Variants in RBM25 observed in about 807,000 individuals in gnomAD.
RBM25 encodes RNA binding motif protein 25.
RBM25 carries 19 observed loss-of-function variants against 120.7 expected under a neutral mutation model. The ratio of observed to expected loss-of-function variants is 0.16; its 90% CI spans 0.11 to 0.23. The LOEUF (loss-of-function observed/expected upper bound fraction) is 0.23, where lower values mean the gene tolerates loss of function less well. Among genes scored for constraint, RBM25 ranks in the 10% least tolerant of loss-of-function variants. RBM25 has a pLI of 1.00. For synonymous variants in RBM25, 390 were observed against 326.7 expected, an observed-to-expected ratio of 1.19 and a Z score of -2.09; for missense variants, 605 against 1,041.5, an observed-to-expected ratio of 0.58 and a Z score of 5.77.
At chr14:73,101,299 G>C (rs2998007) in intron 9 of RBM25, 2 of 152,364 alleles carry the variant, frequency 1.3e-5, no homozygotes, top group Admixed American at 1.3e-4. Flanking sequence ...AATAACCACA[G>C]ACTGTCAGGG....
Position 73,083,479 on chromosome 14 carries a change from TG to T in RBM25, c.325-14del. 6.4e-7 allele frequency: 1 copy of T among 1,562,668 alleles called. No homozygotes were observed. On this transcript the variant is annotated splice_polypyrimidine_tract_variant and intron_variant, in intron 4 of 18. Coordinates refer to ENST00000261973, the MANE Select transcript of RBM25 (RefSeq NM_021239.3). The stretch of plus-strand genomic sequence containing the variant: ...TTAAATGGTAGCAATCTGTTTGTTT[TG>T]TTTTCTTTTTAAGAAATGTGGTTTG...
chr14:73,103,434 T>G lies in RBM25; in HGVS notation c.1110T>G (p.Asp370Glu), dbSNP rs575749853. ...DRDRERDRDR[D>E]RERSSDRNKD... is the part of the protein sequence containing the mutation. ...ATCGAGAGAGAGATCGTGACCGGGATAGAGAAAGGAGCTCAGATCGTAATA... is the reference window on the plus strand; with the variant it reads ...ATCGAGAGAGAGATCGTGACCGGGAGAGAGAAAGGAGCTCAGATCGTAATA... The change falls in exon 10 of 19, where the codon GAT (aspartate) becomes GAG (glutamate). Residue 370 changes from aspartate (D) to glutamate (E), a missense_variant. Physicochemically the swap from Asp to Glu is conservative, Grantham distance 45. This residue lies in a region of RBM25 where 465 missense variants were observed against 741.6 expected (regional missense o/e 0.63). Coordinates refer to ENST00000261973, the MANE Select transcript of RBM25 (RefSeq NM_021239.3). 6.2e-7 allele frequency: 1 copy of G among 1,611,406 alleles called. No individual in the cohort carries two copies. The highest frequency in any genetic ancestry group is 1.1e-5 in the South Asian group (1 of 90,638).
At chr14:73,064,519 C>T (rs1281076085) in intron 1 of RBM25, among the ~76,000 whole-genome samples, 6 of 150,408 alleles carry the variant, frequency 4.0e-5, no homozygotes, top group South Asian at 2.1e-4. Context: ...CTCAGTCTCC[C>T]GAGTAGCTGG....
At position 73,096,652 on chromosome 14, in the gene RBM25, C is replaced by T. The variant is rs576866084; in HGVS notation, c.544-263C>T. On this transcript the variant is annotated intron_variant, in intron 6 of 18. Coordinates refer to ENST00000261973, the MANE Select transcript of RBM25 (RefSeq NM_021239.3). The stretch of plus-strand genomic sequence containing the variant: ...ACTTGTGAATGGTTTGCAGATGTGT[C>T]GTATAGTGTGCTAGTCCTGAAATTT... Among the ~76,000 whole-genome samples, 47 of 152,000 alleles carry T rather than the reference C, an allele frequency of 3.1e-4. No individual in the cohort carries two copies. In the South Asian group the frequency reaches 7.7e-3, roughly 25 times the overall value.
intron 4 of RBM25, among the ~76,000 whole-genome samples, chr14:73,082,666 A>G (rs1224687129): frequency 1.3e-5 from 2 of 152,030 alleles, no homozygotes; most frequent in Non-Finnish European, 2.9e-5. Flanking sequence ...ATTTCTCTTT[A>G]TTTTTACAGA....
At chr14:73,109,879 T>G (rs1430787160) in intron 14 of RBM25, among the ~76,000 whole-genome samples, 2 of 152,008 alleles carry the variant, frequency 1.3e-5, no homozygotes, top group African/African-American at 4.8e-5. Context: ...TTTTGTATTT[T>G]TATTTTTATT....
chr14:73,090,129 C>T (rs1895778383), intron 6 of RBM25, among the ~76,000 whole-genome samples: 1 of 151,972 alleles, frequency 6.6e-6, no homozygotes, highest in Non-Finnish European at 1.5e-5. Flanking sequence ...TGGCTCACTG[C>T]AACCTCCACC....
intron 2 of RBM25, among the ~76,000 whole-genome samples, chr14:73,074,583 G>C (rs767350942): frequency 3.3e-5 from 5 of 152,088 alleles, no homozygotes; most frequent in Non-Finnish European, 7.4e-5. Flanking sequence ...GTGGGGAGGT[G>C]GGGGGTGGCA....
At chr14:73,100,828 A>G (rs1415860251) in intron 9 of RBM25, 1 of 152,314 alleles carries the variant, frequency 6.6e-6, no homozygotes, top group African/African-American at 2.4e-5. Context: ...GAGCACAAAC[A>G]TAATTCTCCC....
At chr14:73,078,235 G>A (rs1895470743) in intron 4 of RBM25, among the ~76,000 whole-genome samples, 1 of 152,140 alleles carries the variant, frequency 6.6e-6, no homozygotes, top group African/African-American at 2.4e-5. Flanking sequence ...CCCGTGAGAT[G>A]GAGGCTGCAG....
In RBM25 at chr14:73,058,620, A is replaced by G. The variant is rs1894918691; in HGVS notation, c.-101A>G. The G allele has an allele frequency of 6.6e-6, 1 of 152,178 alleles. No homozygotes were observed. The highest frequency in any genetic ancestry group is 1.5e-5 in the Non-Finnish European group (1 of 68,050). The allele number at this position is 152,178 out of a possible 1,614,324, so 9.4% of individuals were successfully genotyped here. A position where few individuals can be genotyped will look rare whatever the true frequency, so the allele number is the denominator to read the frequency against. On this transcript the variant is annotated 5_prime_UTR_variant, in exon 1 of 19. Coordinates refer to ENST00000261973, the MANE Select transcript of RBM25 (RefSeq NM_021239.3). The stretch of plus-strand genomic sequence containing the variant: ...GGGCACTCAGTCTCCCTGGCGAGCG[A>G]CGGGCAGAAATCTCGAACCAGTGGA...
chr14:73,112,621 A>G (rs531187803), intron 17 of RBM25, among the ~76,000 whole-genome samples: 5 of 152,000 alleles, frequency 3.3e-5, no homozygotes, highest in African/African-American at 1.2e-4. Context: ...TTATGTTGAG[A>G]TTTTTTGGAC....
At chr14:73,072,556 C>T (rs1350976557) in intron 2 of RBM25, among the ~76,000 whole-genome samples, 4 of 152,140 alleles carry the variant, frequency 2.6e-5, no homozygotes, top group Admixed American at 2.6e-4. Context: ...GAAATTGGGG[C>T]TCAGGATTCT....
At chr14:73,070,744 C>T (rs1039450958) in intron 1 of RBM25, among the ~76,000 whole-genome samples, 16 of 151,834 alleles carry the variant, frequency 1.1e-4, no homozygotes, top group African/African-American at 2.9e-4. Context: ...ATCAGGAGAC[C>T]GAGACCATCT....
intron 18 of RBM25, 88 bp downstream of exon 18, chr14:73,114,421 C>T (rs1896379984): frequency 1.1e-6 from 1 of 931,796 alleles, no homozygotes; most frequent in Non-Finnish European, 1.6e-6. Context: ...GGGGTCTCAC[C>T]ACGTTGCCCA....
At chr14:73,089,450 GTTC>G (rs1408984554) in intron 6 of RBM25, among the ~76,000 whole-genome samples, 2 of 151,984 alleles carry the variant, frequency 1.3e-5, no homozygotes, top group East Asian at 3.9e-4. Flanking sequence ...TGCCTCCCGT[GTTC>G]AGGTGATTCT....
chr14:73,067,954 T>C (rs1895180973), intron 1 of RBM25, among the ~76,000 whole-genome samples: 1 of 152,178 alleles, frequency 6.6e-6, no homozygotes, highest in South Asian at 2.1e-4. Flanking sequence ...TTTGAATCTC[T>C]TTGGATATTT....
chr14:73,076,294 A>C (rs1457406539), intron 2 of RBM25, 25 bp from the exon 3 acceptor site: 2 of 1,592,222 alleles, frequency 1.3e-6, no homozygotes, highest in African/African-American at 1.3e-5. Flanking sequence ...GTCATGTAAA[A>C]TCAGTGTGGT....
At chr14:73,080,980 A>C (rs1173973791) in intron 4 of RBM25, among the ~76,000 whole-genome samples, 2 of 151,026 alleles carry the variant, frequency 1.3e-5, no homozygotes, top group Non-Finnish European at 2.9e-5. Flanking sequence ...GCCTGCTACC[A>C]CACCTGGCTA....
Sources: gnomAD v4.1 joint callset for allele counts (sites outside exome capture counted in the v4.1 genomes callset) on GRCh38, gnomAD v4.1.1 for gene constraint, gnomAD v4.1.1 regional missense constraint, MANE v1.5 for transcripts, NCBI Gene and HGNC (gene_info 2026-07-23, HGNC 2026-07-21) for gene names.